Variants in KSR2 observed in about 807,000 individuals in gnomAD.
KSR2 encodes the protein kinase suppressor of ras 2.
A neutral mutation model predicts 107.8 loss-of-function variants in KSR2; 25 were observed. That is an observed-to-expected ratio of 0.23 (90% CI 0.17 to 0.32). KSR2 has a LOEUF of 0.32. Ranked by LOEUF, KSR2 falls within the 10% of genes least tolerant of loss-of-function variation. The pLI is 1.00. For synonymous variants in KSR2, 480 were observed against 507.0 expected (o/e 0.95, Z 0.71); for missense variants, 887 against 1,268.9 (o/e 0.70, Z 4.57).
intron 4 of KSR2, among the ~76,000 whole-genome samples, chr12:117,736,717 G>A (rs1159657735): frequency 6.6e-6 from 1 of 151,914 alleles, no homozygotes; most frequent in African/African-American, 2.4e-5. Flanking sequence ...GGAGGCTGAG[G>A]TGGGAGGATC....
chr12:117,486,592 C>A (rs1872477431), intron 14 of KSR2, among the ~76,000 whole-genome samples: 1 of 152,158 alleles, frequency 6.6e-6, no homozygotes, highest in African/African-American at 2.4e-5. Flanking sequence ...CTCTTTTAAC[C>A]TGTGATGTTA....
At chr12:117,622,450 A>T (rs897426530) in intron 5 of KSR2, among the ~76,000 whole-genome samples, 6 of 152,126 alleles carry the variant, frequency 3.9e-5, no homozygotes, top group African/African-American at 1.4e-4. Context: ...TTCAACTGGC[A>T]TCTTATTCTC....
chr12:117,538,198 G>C (rs747475506), intron 10 of KSR2, among the ~76,000 whole-genome samples: 20 of 152,124 alleles, frequency 1.3e-4, no homozygotes, highest in Non-Finnish European at 1.2e-4. Context: ...GCCGGGCAAT[G>C]AATCGGTGGC....
intron 5 of KSR2, among the ~76,000 whole-genome samples, chr12:117,626,181 G>A (rs530948858): frequency 1.4e-4 from 22 of 151,786 alleles, no homozygotes; most frequent in Admixed American, 3.9e-4. Flanking sequence ...TTTTTTTGAC[G>A]GGTTTTTTGT....
chr12:117,712,814 T>C (rs1014771657), intron 4 of KSR2, among the ~76,000 whole-genome samples: 1 of 152,158 alleles, frequency 6.6e-6, no homozygotes, highest in Admixed American at 6.6e-5. Context: ...GAGATATCTA[T>C]ATCTAGATAG....
chr12:117,603,836 T>C (rs1217884438), intron 5 of KSR2, among the ~76,000 whole-genome samples: 3 of 152,222 alleles, frequency 2.0e-5, no homozygotes, highest in Admixed American at 1.3e-4. Flanking sequence ...GCTTGCTAAC[T>C]GTCTTAGGCT....
At chr12:117,878,040 G>A (rs1045351780) in intron 1 of KSR2, among the ~76,000 whole-genome samples, 5 of 151,368 alleles carry the variant, frequency 3.3e-5, no homozygotes, top group Admixed American at 3.3e-4. Flanking sequence ...AGTCTTGAGG[G>A]GCTGAGATGT....
At chr12:117,521,478 C>T (rs966980160) in intron 14 of KSR2, among the ~76,000 whole-genome samples, 1 of 152,130 alleles carries the variant, frequency 6.6e-6, no homozygotes, top group Admixed American at 6.5e-5. Flanking sequence ...CGCAGACCGT[C>T]GATAGCTTTG....
intron 7 of KSR2, among the ~76,000 whole-genome samples, chr12:117,568,544 C>T (rs1345790132): frequency 3.9e-5 from 6 of 152,092 alleles, no homozygotes; most frequent in Admixed American, 6.6e-5. Flanking sequence ...ATCCACACAC[C>T]GTGACACTTC....
At chr12:117,882,793 C>T (rs1206168017) in intron 1 of KSR2, among the ~76,000 whole-genome samples, 2 of 151,876 alleles carry the variant, frequency 1.3e-5, no homozygotes, top group African/African-American at 4.8e-5. Flanking sequence ...ATTTATTCAT[C>T]CATCCATCTA....
chr12:117,798,317 G>A (rs369333146), intron 3 of KSR2, among the ~76,000 whole-genome samples: 17 of 152,128 alleles, frequency 1.1e-4, no homozygotes, highest in African/African-American at 4.1e-4. Context: ...AGTCTTGAGA[G>A]GAGGCTCTAA....
In KSR2 at chr12:117,842,613, ATTC is replaced by A. The variant is rs766852441; in HGVS notation, c.472+12812_472+12814del. On this transcript the variant is annotated intron_variant, in intron 3 of 19. Coordinates refer to ENST00000339824, the MANE Select transcript of KSR2 (RefSeq NM_173598.6). This position sits in a 1 kb window ranked among gnomAD's most constrained non-coding sequence, Gnocchi z 4.2. ...AAGTTCAATGTCAATTCTGCACCCA[ATTC>A]TTCTGCCCAGCACCTCGTGGATGCC... is the stretch of plus-strand genomic sequence containing the variant. Among the ~76,000 whole-genome samples the A allele has an allele frequency of 5.3e-5, 8 of 152,188 alleles. No homozygotes were observed. The highest frequency in any genetic ancestry group is 1.2e-4 in the Non-Finnish European group (8 of 68,034).
intron 12 of KSR2, among the ~76,000 whole-genome samples, chr12:117,529,719 T>C (rs1215954957): frequency 6.7e-6 from 1 of 150,320 alleles, no homozygotes; most frequent in Non-Finnish European, 1.5e-5. Flanking sequence ...AAAAACAATA[T>C]CAGACAGGTG....
chr12:117,787,293 A>C (rs1162623241), intron 3 of KSR2, among the ~76,000 whole-genome samples: 1 of 152,216 alleles, frequency 6.6e-6, no homozygotes, highest in East Asian at 1.9e-4. Context: ...ATGGATACTC[A>C]AATGTGCATG....
At chr12:117,531,268 A>C (rs921902914) in intron 11 of KSR2, among the ~76,000 whole-genome samples, 2 of 152,162 alleles carry the variant, frequency 1.3e-5, no homozygotes, top group African/African-American at 4.8e-5. Flanking sequence ...TCTAGCCTGA[A>C]GCATTCATTG....
chr12:117,513,783 C>T (rs191105747), intron 14 of KSR2, among the ~76,000 whole-genome samples: 2 of 152,320 alleles, frequency 1.3e-5, no homozygotes, highest in Non-Finnish European at 2.9e-5. Context: ...ATCAGACAGT[C>T]TCTTCCTAGC....
chr12:117,497,695 C>T (rs1476607362), intron 14 of KSR2, among the ~76,000 whole-genome samples: 2 of 152,208 alleles, frequency 1.3e-5, no homozygotes, highest in Non-Finnish European at 2.9e-5. Flanking sequence ...GATAATCCGC[C>T]ACTTCCTGGC....
At chr12:117,508,935 T>C (rs1443887138) in intron 14 of KSR2, among the ~76,000 whole-genome samples, 4 of 145,566 alleles carry the variant, frequency 2.7e-5, no homozygotes, top group Admixed American at 2.1e-4. Context: ...ATGGGGTGGA[T>C]GGGATGGATG....
At chr12:117,505,865 C>T (rs1215975754) in intron 14 of KSR2, among the ~76,000 whole-genome samples, 2 of 152,214 alleles carry the variant, frequency 1.3e-5, no homozygotes, top group African/African-American at 4.8e-5. Flanking sequence ...TCTTATTCCA[C>T]AAGAAACAGC....
Sources: allele counts gnomAD v4.1 joint callset (sites outside exome capture counted in the v4.1 genomes callset), GRCh38; gene constraint gnomAD v4.1.1; non-coding constraint Gnocchi (gnomAD v3.1); transcripts MANE v1.5; gene names NCBI Gene and HGNC (gene_info 2026-07-23, HGNC 2026-07-21).